VWA8: variants seen among roughly 807,000 people sequenced by gnomAD.
The protein encoded by VWA8 is von Willebrand factor A domain-containing protein 8.
VWA8 carries 221 observed loss-of-function variants against 241.5 expected under a neutral mutation model. The ratio of observed to expected loss-of-function variants is 0.91; its 90% CI spans 0.82 to 1.02. The LOEUF (loss-of-function observed/expected upper bound fraction) is 1.02, where lower values mean the gene tolerates loss of function less well. Among genes scored for constraint, VWA8 ranks in the 50% least tolerant of loss-of-function variants. VWA8 has a pLI of 0.00. For missense variants in VWA8, 2,322 were observed against 2,328.7 expected (o/e 1.00, Z 0.06); for synonymous variants, 852 against 827.1 (o/e 1.03, Z -0.52).
intron 42 of VWA8, among the ~76,000 whole-genome samples, chr13:41,577,025 T>C (rs2139636896): frequency 1.3e-5 from 2 of 152,372 alleles, no homozygotes; most frequent in South Asian, 4.1e-4. Context: ...GCTCACACAA[T>C]TGGCCAGTCT....
At position 41,832,023 on chromosome 13, in the gene VWA8, C is replaced by T. The variant is rs192894120; in HGVS notation, c.1586+1348G>A. ...TCGGCTCACTGCAACCTCCACCTCC[C>T]GGGTTCAAGCAATTCTCCTGCCTCA... On this transcript the variant is annotated intron_variant, in intron 13 of 44. Coordinates refer to ENST00000379310, the MANE Select transcript of VWA8 (RefSeq NM_015058.2). 6.3e-3 allele frequency among the ~76,000 whole-genome samples: 939 copies of T among 148,374 alleles called. 8 individuals are homozygous for T. The highest frequency in any genetic ancestry group is 0.022 in the African/African-American group (895 of 40,138).
At chr13:41,619,970 T>A (rs1485410807) in intron 37 of VWA8, among the ~76,000 whole-genome samples, 3 of 152,204 alleles carry the variant, frequency 2.0e-5, no homozygotes, top group African/African-American at 7.2e-5. Flanking sequence ...GGTATCAGGA[T>A]GATGCTGGCC....
chr13:41,656,221 C>G (rs1183747171), intron 37 of VWA8, among the ~76,000 whole-genome samples: 2 of 152,140 alleles, frequency 1.3e-5, no homozygotes, highest in African/African-American at 2.4e-5. Flanking sequence ...TGATGACTTA[C>G]AATCAAATGC....
chr13:41,726,925 G>A (rs2045440003), intron 24 of VWA8, among the ~76,000 whole-genome samples: 1 of 152,090 alleles, frequency 6.6e-6, no homozygotes, highest in Non-Finnish European at 1.5e-5. Flanking sequence ...AACCCGGGTG[G>A]CGGAAGTTGT....
chr13:41,947,604 T>C (rs575193988), intron 2 of VWA8, among the ~76,000 whole-genome samples: 8 of 152,128 alleles, frequency 5.3e-5, no homozygotes, highest in Non-Finnish European at 1.0e-4. Flanking sequence ...CCTCACACAT[T>C]GCTAGTTAGA....
intron 4 of VWA8, among the ~76,000 whole-genome samples, chr13:41,906,016 G>A (rs1194262890): frequency 6.6e-6 from 1 of 152,034 alleles, no homozygotes; most frequent in Non-Finnish European, 1.5e-5. Flanking sequence ...CTCTGTCTGT[G>A]AAGGATTACT....
chr13:41,580,215 T>C (rs1013776435), intron 42 of VWA8, among the ~76,000 whole-genome samples: 10 of 152,146 alleles, frequency 6.6e-5, no homozygotes, highest in Admixed American at 2.6e-4. Flanking sequence ...CCATCTCTAC[T>C]TGTTTTTGAA....
intron 2 of VWA8, among the ~76,000 whole-genome samples, chr13:41,933,372 T>C (rs1877210745): frequency 6.6e-6 from 1 of 152,038 alleles, no homozygotes; most frequent in Admixed American, 6.5e-5. Flanking sequence ...AATATTAAGA[T>C]AGCAATTATC....
At position 41,703,267 on chromosome 13, in the gene VWA8, T is replaced by C. The variant is rs968260490; in HGVS notation, c.3225+36A>G. On this transcript the variant is annotated intron_variant, in intron 27 of 44. Transcript: ENST00000379310. ...GGAAGATACAGCAAAATTTATAAGG[T>C]TCAATATTTTAAGAGAGAATAATGA... is the stretch of plus-strand genomic sequence containing the variant. 2.6e-6 allele frequency: 4 copies of C among 1,548,282 alleles called. No homozygotes were observed. In the African/African-American group the frequency reaches 5.4e-5, roughly 21 times the overall value.
At chr13:41,942,880 C>A (rs1458877173) in intron 2 of VWA8, among the ~76,000 whole-genome samples, 1 of 152,192 alleles carries the variant, frequency 6.6e-6, no homozygotes, top group Non-Finnish European at 1.5e-5. Flanking sequence ...CACTCTCCAC[C>A]TTCACTGAAG....
rs1168114298 is a variant in VWA8 at position 41,567,116 on chromosome 13, CT to C, written c.*1080del. On this transcript the variant is annotated 3_prime_UTR_variant, in exon 45 of 45. Transcript: ENST00000379310. ...AATTATATGGTTAAAGAGAGAATGA[CT>C]TTTGCTGAAGCATCTTATTTTAAAC... The C allele has an allele frequency of 6.6e-6, 1 of 152,062 alleles. No individual in the cohort carries two copies. Among genetic ancestry groups the C allele is most frequent in the Non-Finnish European group, 1.5e-5 (1 of 68,006 alleles). 9.4% of individuals were successfully genotyped at this position (152,062 alleles called of 1,614,324 possible).
intron 37 of VWA8, among the ~76,000 whole-genome samples, chr13:41,619,783 C>T (rs1163117134): frequency 3.3e-5 from 5 of 151,836 alleles, no homozygotes; most frequent in Admixed American, 6.6e-5. Context: ...TATTGATTTG[C>T]GTATGTTGAA....
chr13:41,729,817 AC>A, intron 22 of VWA8, 140 bp from the exon 23 acceptor site: 1 of 560,156 alleles, frequency 1.8e-6, no homozygotes, highest in African/African-American at 2.0e-5. Context: ...ACACACACAC[AC>A]ACACACACAC....
chr13:41,627,101 A>G lies in VWA8; in HGVS notation c.4612-12017T>C, dbSNP rs192474063. ...AAAAAAACAAACAACCCATTAAAAAATGGGCAAAGAGACACTTCTCAAAAG... is the reference window on the plus strand; with the variant it reads ...AAAAAAACAAACAACCCATTAAAAAGTGGGCAAAGAGACACTTCTCAAAAG... On this transcript the variant is annotated intron_variant, in intron 37 of 44. Coordinates refer to ENST00000379310, the MANE Select transcript of VWA8 (RefSeq NM_015058.2). Among the ~76,000 whole-genome samples the G allele has an allele frequency of 2.0e-3, 298 of 152,292 alleles. 1 individual carries two copies. Among genetic ancestry groups the G allele is most frequent in the Non-Finnish European group, 3.4e-3 (234 of 68,014 alleles).
At chr13:41,883,344 G>T in intron 9 of VWA8, 43 bp downstream of exon 9, 1 of 1,517,570 alleles carries the variant, frequency 6.6e-7, no homozygotes, top group Non-Finnish European at 9.1e-7. Flanking sequence ...CAAGGGAAGG[G>T]AAAATGGGAA....
chr13:41,614,392 G>A (rs575737414), intron 38 of VWA8, among the ~76,000 whole-genome samples: 5 of 152,174 alleles, frequency 3.3e-5, no homozygotes, highest in South Asian at 4.1e-4. Context: ...AAAGGAAGAC[G>A]GCAGTCCTGG....
intron 15 of VWA8, 124 bp from the exon 16 acceptor site, chr13:41,816,899 G>C: frequency 2.6e-6 from 2 of 762,060 alleles, no homozygotes; most frequent in Non-Finnish European, 4.3e-6. Flanking sequence ...GTCATTCATT[G>C]TTGGCTAAAT....
At chr13:41,807,997 A>T (rs1490499631) in intron 17 of VWA8, 1 of 152,184 alleles carries the variant, frequency 6.6e-6, no homozygotes, top group Non-Finnish European at 1.5e-5. Context: ...ATAGACTGAA[A>T]ATAAAGGGAC....
chr13:41,656,994 T>G (rs998074759), intron 37 of VWA8, among the ~76,000 whole-genome samples: 2 of 151,434 alleles, frequency 1.3e-5, no homozygotes, highest in South Asian at 2.1e-4. Context: ...ACTCTAGGGG[T>G]GGAGACATGG....
Sources: allele counts gnomAD v4.1 joint callset (sites outside exome capture counted in the v4.1 genomes callset), GRCh38; gene constraint gnomAD v4.1.1; transcripts MANE v1.5; gene names NCBI Gene and HGNC (gene_info 2026-07-23, HGNC 2026-07-21).